Variants in MAPK10 observed in about 807,000 individuals in gnomAD.
MAPK10 encodes the protein mitogen-activated protein kinase 10, also known as JNK3 alpha protein kinase.
Under a neutral mutation model 59.3 loss-of-function variants are expected in MAPK10, and 25 were observed. That is an observed-to-expected ratio of 0.42 (90% CI 0.31 to 0.59). MAPK10 has a LOEUF of 0.59. Ranked by LOEUF, MAPK10 falls within the 20% of genes least tolerant of loss-of-function variation. MAPK10 has a pLI of 0.15. For synonymous variants in MAPK10, 190 were observed against 200.5 expected (o/e 0.95, Z 0.44); for missense variants, 351 against 568.9 (o/e 0.62, Z 3.90).
At chr4:86,161,481 T>A (rs1380631099) in intron 3 of MAPK10, among the ~76,000 whole-genome samples, 1 of 152,088 alleles carries the variant, frequency 6.6e-6, no homozygotes. Flanking sequence ...CTTTTTGGCA[T>A]ATGAGTAGAA....
intron 1 of MAPK10, among the ~76,000 whole-genome samples, chr4:86,423,778 T>TATATATATATATATATATAC: frequency 6.9e-6 from 1 of 144,916 alleles, no homozygotes; most frequent in Admixed American, 6.9e-5. Context: ...TACATATATA[T>TATATATATATATATATATAC]ATATATATAT....
intron 2 of MAPK10, among the ~76,000 whole-genome samples, chr4:86,271,616 T>C (rs1033304098): frequency 2.0e-5 from 3 of 151,810 alleles, no homozygotes; most frequent in South Asian, 4.2e-4. Flanking sequence ...CTAAACTGGG[T>C]GATTTATTAT....
rs1030627247 is a variant in MAPK10, at chr4:86,015,018, A to C, written c.*2210T>G. 9.9e-5 allele frequency: 15 copies of C among 151,948 alleles called. No homozygotes were observed. The highest frequency in any genetic ancestry group is 2.1e-4 in the Non-Finnish European group (14 of 67,994). The allele number at this position is 151,948 out of a possible 1,614,324, so 9.4% of individuals were successfully genotyped here. ...GAGAGGAGAAGTTTTTAAAAAAAAAAAAAAAAAACAGGAATATGAAAGAGA... is the reference window on the plus strand; with the variant it reads ...GAGAGGAGAAGTTTTTAAAAAAAAACAAAAAAAACAGGAATATGAAAGAGA... On this transcript the variant is annotated 3_prime_UTR_variant, in exon 14 of 14. Transcript: ENST00000641462.
At chr4:86,104,989 C>T (rs1430428339) in intron 5 of MAPK10, among the ~76,000 whole-genome samples, 1 of 152,034 alleles carries the variant, frequency 6.6e-6, no homozygotes, top group African/African-American at 2.4e-5. Flanking sequence ...AATCTCAGTT[C>T]TTTTATTCCA....
chr4:86,098,568 A>G lies in MAPK10; in HGVS notation c.758T>C (p.Met253Thr), dbSNP rs2054664716. The G allele has an allele frequency of 6.2e-7, 1 of 1,613,380 alleles. No individual in the cohort carries two copies. Among genetic ancestry groups the G allele is most frequent in the Non-Finnish European group, 8.5e-7 (1 of 1,179,370 alleles). Residue 253 changes from methionine to threonine, a missense_variant, in exon 9 of 14, where the codon ATG (methionine) becomes ACG (threonine). Met to Thr is a moderately conservative substitution (Grantham distance 81, BLOSUM62 -1). Transcript: ENST00000641462. ...GATTTTGTGGCGAACCATTTCTCCCATAATGCATCCCACAGACCATATATC... is the reference window on the plus strand; with the variant it reads ...GATTTTGTGGCGAACCATTTCTCCCGTAATGCATCCCACAGACCATATATC... ...NVDIWSVGCI[M>T]GEMVRHKILF...
intron 3 of MAPK10, among the ~76,000 whole-genome samples, chr4:86,165,006 C>G (rs1257003367): frequency 6.6e-6 from 1 of 152,096 alleles, no homozygotes; most frequent in Non-Finnish European, 1.5e-5. Flanking sequence ...TTATTGAGCA[C>G]CTACTGTGTG....
intron 1 of MAPK10, among the ~76,000 whole-genome samples, chr4:86,417,834 T>C (rs549288967): frequency 6.6e-6 from 1 of 152,364 alleles, no homozygotes; most frequent in African/African-American, 2.4e-5. Context: ...CTCTCTCCTT[T>C]AATAGCTATA....
At chr4:86,347,562 C>T (rs544026739) in intron 2 of MAPK10, among the ~76,000 whole-genome samples, 1 of 152,130 alleles carries the variant, frequency 6.6e-6, no homozygotes, top group South Asian at 2.1e-4. Context: ...GTGTCTTAGT[C>T]CATTCAGGCT....
intron 2 of MAPK10, among the ~76,000 whole-genome samples, chr4:86,233,191 T>C (rs1243678127): frequency 6.6e-6 from 1 of 152,164 alleles, no homozygotes; most frequent in Non-Finnish European, 1.5e-5. Context: ...AGCCACTCTC[T>C]TTGCTTATAG....
rs979930549 is a variant in MAPK10 at position 86,528,360 on chromosome 4, TA to T, written c.-263+65549del. Among the ~76,000 whole-genome samples the T allele has an allele frequency of 1.1e-4, 16 of 151,934 alleles. 1 individual carries two copies. Among genetic ancestry groups the T allele is most frequent in the African/African-American group, 3.6e-4 (15 of 41,372 alleles). The stretch of plus-strand genomic sequence containing the variant: ...ATATTTTCAGAAAAAAAAAACAACA[TA>T]AAAATTGCATAGTTGAGGGAGAGGA... On this transcript the variant is annotated intron_variant, in intron 1 of 4. Coordinates refer to the MAPK10 transcript ENST00000502302.
intron 2 of MAPK10, among the ~76,000 whole-genome samples, chr4:86,210,878 T>C (rs1316247504): frequency 1.3e-5 from 2 of 149,040 alleles, no homozygotes; most frequent in African/African-American, 2.5e-5. Context: ...AAAATATTAA[T>C]AAAGAAAAAT....
chr4:86,048,871 C>A (rs1056903252), intron 11 of MAPK10, among the ~76,000 whole-genome samples: 1 of 152,040 alleles, frequency 6.6e-6, no homozygotes, highest in Non-Finnish European at 1.5e-5. Flanking sequence ...CTTTTTGTTA[C>A]AAATATTTAT....
rs141460844 is a variant in MAPK10 at position 86,436,829 on chromosome 4, C to T, written c.-122+16201G>A. On this transcript the variant is annotated intron_variant, in intron 1 of 13. Coordinates refer to the MAPK10 transcript ENST00000361569. ...CCTTATTTCCCTGGTAGGGACCTCA[C>T]ATAAAAAAATTAAATAGAAGTGATG... is the stretch of plus-strand genomic sequence containing the variant. 1.5e-3 allele frequency among the ~76,000 whole-genome samples: 231 copies of T among 152,212 alleles called. 3 individuals are homozygous for T. The highest frequency in any genetic ancestry group is 5.4e-3 in the African/African-American group (223 of 41,542).
chr4:86,371,932 G>A (rs1738825055), intron 1 of MAPK10, among the ~76,000 whole-genome samples: 1 of 152,076 alleles, frequency 6.6e-6, no homozygotes, highest in Non-Finnish European at 1.5e-5. Context: ...CAATAATAGT[G>A]GGAGACTTTA....
intron 4 of MAPK10, among the ~76,000 whole-genome samples, chr4:86,154,380 A>C (rs1465797759): frequency 6.6e-6 from 1 of 152,146 alleles, no homozygotes; most frequent in Non-Finnish European, 1.5e-5. Flanking sequence ...AGAAAAAAAA[A>C]GTTCAAATGC....
intron 1 of MAPK10, among the ~76,000 whole-genome samples, chr4:86,581,902 TATATATATATA>T (rs1762315142): frequency 3.8e-3 from 7 of 1,842 alleles, no homozygotes; most frequent in African/African-American, 0.011. Flanking sequence ...ATATATATTA[TATATATATATA>T]TATATATATA....
chr4:86,360,185 G>A (rs1159367721), upstream of MAPK10: 4 of 985,880 alleles, frequency 4.1e-6, no homozygotes, highest in Non-Finnish European at 4.8e-6. Flanking sequence ...AAGAGGAAGC[G>A]TCTATGTGCA....
chr4:86,589,322 GT>G (rs1445070471), intron 1 of MAPK10, among the ~76,000 whole-genome samples: 32 of 152,148 alleles, frequency 2.1e-4, no homozygotes, highest in Non-Finnish European at 4.0e-4. Flanking sequence ...CAAACTTTCC[GT>G]CTTTGTTAGG....
chr4:86,300,068 T>C (rs3762915), intron 2 of MAPK10, among the ~76,000 whole-genome samples: 39,663 of 151,686 alleles, frequency 0.26, 5,443 homozygotes, highest in South Asian at 0.43. Flanking sequence ...ATTTTTTGTA[T>C]TTTTAGTAGA....
Sources: allele counts gnomAD v4.1 joint callset (sites outside exome capture counted in the v4.1 genomes callset), GRCh38; gene constraint gnomAD v4.1.1; transcripts MANE v1.5; gene names NCBI Gene and HGNC (gene_info 2026-07-23, HGNC 2026-07-21).